Variants in DLGAP1 observed in about 807,000 individuals in gnomAD.
DLGAP1 encodes the protein disks large-associated protein 1.
In DLGAP1, 11 loss-of-function variants were observed where a neutral mutation model predicts 90.8. The observed-to-expected ratio is 0.12, with a 90% CI of 0.08 to 0.20. DLGAP1 has a LOEUF of 0.20. DLGAP1 is among the 10% of genes least tolerant of loss of function. DLGAP1 has a pLI of 1.00. For synonymous variants in DLGAP1, 558 were observed against 540.7 expected, an observed-to-expected ratio of 1.03 and a Z score of -0.44; for missense variants, 1,050 against 1,333.8, an observed-to-expected ratio of 0.79 and a Z score of 3.31.
intron 1 of DLGAP1, among the ~76,000 whole-genome samples, chr18:4,330,112 A>G (rs1335100066): frequency 1.3e-5 from 2 of 152,002 alleles, no homozygotes; most frequent in Admixed American, 6.6e-5. Context: ...GTGTTTTTCA[A>G]AAACATTTTG....
intron 7 of DLGAP1, chr18:3,722,396 AAGG>A (rs1450384394): frequency 1.3e-5 from 2 of 152,196 alleles, no homozygotes; most frequent in East Asian, 1.9e-4. Context: ...CCACAGAAGA[AAGG>A]AGAAGTTATA....
chr18:4,028,209 A>T (rs554840493), intron 2 of DLGAP1, among the ~76,000 whole-genome samples: 5 of 152,368 alleles, frequency 3.3e-5, no homozygotes, highest in African/African-American at 1.2e-4. Context: ...GGTTACCCAA[A>T]ATATGTAAAT....
chr18:4,058,362 C>A (rs2075252835), intron 2 of DLGAP1, among the ~76,000 whole-genome samples: 1 of 152,160 alleles, frequency 6.6e-6, no homozygotes, highest in African/African-American at 2.4e-5. Flanking sequence ...TGGCTCATTG[C>A]CAGGACAGAC....
intron 7 of DLGAP1, among the ~76,000 whole-genome samples, chr18:3,650,898 C>T (rs1286576344): frequency 6.6e-6 from 1 of 150,600 alleles, no homozygotes; most frequent in Non-Finnish European, 1.5e-5. Flanking sequence ...GAAACCCTGT[C>T]TCTATTAAAA....
intron 7 of DLGAP1, among the ~76,000 whole-genome samples, chr18:3,644,704 C>T (rs62083216): frequency 0.18 from 27,206 of 152,102 alleles, 2,599 homozygotes; most frequent in Non-Finnish European, 0.19. Context: ...TGAGCCACTG[C>T]GGCCAGCCTA....
chr18:3,516,527 G>A (rs958270716), intron 10 of DLGAP1, among the ~76,000 whole-genome samples: 17 of 152,098 alleles, frequency 1.1e-4, no homozygotes, highest in African/African-American at 2.9e-4. Flanking sequence ...TCTTTGATCC[G>A]TAGGCTGTGG....
intron 1 of DLGAP1, among the ~76,000 whole-genome samples, chr18:4,303,546 C>T (rs2080177562): frequency 6.6e-6 from 1 of 152,152 alleles, no homozygotes; most frequent in African/African-American, 2.4e-5. Context: ...AGCTACAGCA[C>T]CATCAAATTT....
intron 7 of DLGAP1, among the ~76,000 whole-genome samples, chr18:3,600,945 T>TAG: frequency 1.0e-5 from 1 of 96,252 alleles, no homozygotes; most frequent in African/African-American, 3.7e-5. Flanking sequence ...TATAGATAGA[T>TAG]ATATAGATAT....
At chr18:3,619,742 C>CTTTTTTTTTTTTTTTTT (rs10625913) in intron 7 of DLGAP1, among the ~76,000 whole-genome samples, 1 of 112,422 alleles carries the variant, frequency 8.9e-6, no homozygotes, top group Non-Finnish European at 1.7e-5. Context: ...TAGTTTTTTC[C>CTTTTTTTTTTTTTTTTT]TTTTTTTTTT....
intron 3 of DLGAP1, among the ~76,000 whole-genome samples, chr18:3,921,863 A>G (rs1420915058): frequency 1.3e-5 from 2 of 152,228 alleles, no homozygotes; most frequent in Non-Finnish European, 2.9e-5. Flanking sequence ...GATGAACGTC[A>G]GGTGGCTGTG....
intron 5 of DLGAP1, among the ~76,000 whole-genome samples, chr18:3,812,046 A>C (rs2066871266): frequency 6.6e-6 from 1 of 152,202 alleles, no homozygotes; most frequent in Non-Finnish European, 1.5e-5. Context: ...CATCTTGATG[A>C]CAACCTAACG....
chr18:4,202,580 A>G (rs2077628571), intron 1 of DLGAP1, among the ~76,000 whole-genome samples: 1 of 152,224 alleles, frequency 6.6e-6, no homozygotes, highest in African/African-American at 2.4e-5. Context: ...ACATTATGGC[A>G]AGCCAGGAAT....
At chr18:4,055,512 C>T (rs1209295336) in intron 2 of DLGAP1, among the ~76,000 whole-genome samples, 8 of 152,006 alleles carry the variant, frequency 5.3e-5, no homozygotes, top group African/African-American at 1.9e-4. Flanking sequence ...TGTTTTAGCT[C>T]CCACTCTTAA....
chr18:4,213,648 G>A (rs2077891983), intron 1 of DLGAP1, among the ~76,000 whole-genome samples: 1 of 152,170 alleles, frequency 6.6e-6, no homozygotes, highest in Admixed American at 6.6e-5. Flanking sequence ...GATCAGGGGA[G>A]ATATTTCAGT....
chr18:3,898,801 T>C (rs546685058), intron 3 of DLGAP1, among the ~76,000 whole-genome samples: 1 of 152,348 alleles, frequency 6.6e-6, no homozygotes, highest in African/African-American at 2.4e-5. Context: ...TCTATTATTA[T>C]TATTATTCTC....
Position 3,879,303 on chromosome 18 carries a change from C to T in DLGAP1, c.766G>A (p.Asp256Asn), listed in dbSNP as rs1160157273. The T allele has an allele frequency of 6.3e-6, 10 of 1,596,752 alleles. No homozygotes were observed. Among genetic ancestry groups the T allele is most frequent in the Non-Finnish European group, 4.3e-6 (5 of 1,171,188 alleles). The change falls in exon 4 of 13, where the codon GAC becomes AAC. Residue 256 changes from aspartate (D) to asparagine (N), a missense_variant. Around this residue, in one of 2 missense-constraint regions of DLGAP1, gnomAD observed 485 missense variants for 454.1 expected, o/e 1.07. Coordinates refer to ENST00000315677, the MANE Select transcript of DLGAP1 (RefSeq NM_004746.4). The surrounding 1 kb of genome is among the most constrained non-coding windows in gnomAD (Gnocchi z 6.6). ...TTGGCGCAGGTGGAGCACTTGACGT[C>T]GTTGTTGCTCCGGGAGGCCTTCACC... ...QAVKASRSNN[D>N]VKCSTCANLP...
At chr18:3,859,232 A>C (rs1237717315) in intron 4 of DLGAP1, among the ~76,000 whole-genome samples, 1 of 152,220 alleles carries the variant, frequency 6.6e-6, no homozygotes, top group Non-Finnish European at 1.5e-5. Context: ...TTTTCATTTC[A>C]TCACCATATA....
At chr18:4,070,413 C>G (rs2075429868) in intron 2 of DLGAP1, among the ~76,000 whole-genome samples, 1 of 152,052 alleles carries the variant, frequency 6.6e-6, no homozygotes, top group Non-Finnish European at 1.5e-5. Flanking sequence ...CACTATTACA[C>G]CACGGAAACT....
At chr18:3,521,066 C>T (rs997732128) in intron 10 of DLGAP1, among the ~76,000 whole-genome samples, 6 of 152,184 alleles carry the variant, frequency 3.9e-5, no homozygotes, top group Admixed American at 3.9e-4. Context: ...CCACTCACTT[C>T]CCTCATTCCA....
Sources: gnomAD v4.1 joint callset for allele counts (sites outside exome capture counted in the v4.1 genomes callset) on GRCh38, gnomAD v4.1.1 for gene constraint, gnomAD v4.1.1 regional missense constraint, Gnocchi (gnomAD v3.1) non-coding constraint, MANE v1.5 for transcripts, NCBI Gene and HGNC (gene_info 2026-07-23, HGNC 2026-07-21) for gene names.